Variants in NFIC observed in about 807,000 individuals in gnomAD.
NFIC encodes nuclear factor 1 C-type.
NFIC carries 12 observed loss-of-function variants against 54.4 expected under a neutral mutation model. That is an observed-to-expected ratio of 0.22 (90% confidence interval 0.14 to 0.36). The LOEUF is 0.36. NFIC is among the 10% of genes least tolerant of loss of function. NFIC has a pLI of 1.00. For missense variants in NFIC, 575 were observed against 718.2 expected (o/e 0.80, Z 2.28); for synonymous variants, 322 against 319.2 (o/e 1.01, Z -0.09).
intron 1 of NFIC, among the ~76,000 whole-genome samples, chr19:3,367,593 CG>C (rs1038460642): frequency 2.6e-5 from 4 of 152,224 alleles, no homozygotes; most frequent in African/African-American, 7.2e-5. Flanking sequence ...CGGCTCCCCC[CG>C]GGGACTCCTT....
In NFIC at chr19:3,439,333, C is replaced by CA. The variant is rs539916342; in HGVS notation, c.958+4168dup. On this transcript the variant is annotated intron_variant, in intron 6 of 10. Transcript: ENST00000443272. ...GGGGCAACAGAGAAAGACCCTGTCTCAAAAAAAAAAAAAAAAAAAAAAAAA... is the reference window on the plus strand; with the variant it reads ...GGGGCAACAGAGAAAGACCCTGTCTCAAAAAAAAAAAAAAAAAAAAAAAAAA... Among the ~76,000 whole-genome samples the CA allele has an allele frequency of 2.6e-3, 61 of 23,326 alleles. 15 individuals are homozygous for CA. The highest frequency in any genetic ancestry group is 4.4e-3 in the Non-Finnish European group (53 of 11,962). The allele number at this position is 23,326 out of a possible 152,430, so 15.3% of individuals were successfully genotyped here.
exon 1 of NFIC, chr19:3,359,655 G>T (rs2080784650): frequency 2.2e-6 from 3 of 1,388,036 alleles, no homozygotes; most frequent in Non-Finnish European, 2.8e-6. Flanking sequence ...TCGCTCCGGC[G>T]CCGGCCTCGC....
intron 1 of NFIC, among the ~76,000 whole-genome samples, chr19:3,360,748 G>C (rs960366369): frequency 1.3e-5 from 2 of 152,246 alleles, no homozygotes; most frequent in Non-Finnish European, 2.9e-5. Flanking sequence ...CGTCCCTGCG[G>C]GACGGTGTTG....
intron 1 of NFIC, among the ~76,000 whole-genome samples, chr19:3,380,469 G>A (rs1002598451): frequency 4.0e-5 from 6 of 150,652 alleles, no homozygotes; most frequent in African/African-American, 1.2e-4. Context: ...GGGATTACAG[G>A]TGTGCTCCAA....
Position 3,464,042 on chromosome 19 carries a change from G to A in NFIC, c.*1273G>A. The A allele has an allele frequency of 1.0e-6, 1 of 985,240 alleles. No individual in the cohort carries two copies. Among genetic ancestry groups the A allele is most frequent in the Non-Finnish European group, 1.2e-6 (1 of 829,894 alleles). The allele number at this position is 985,240 out of a possible 1,614,324, so 61.0% of individuals were successfully genotyped here. On this transcript the variant is annotated 3_prime_UTR_variant, in exon 11 of 11. Transcript: ENST00000443272. ...ACTTCGCAAGCGTCCTGCCCTGCCG[G>A]GGCGCGGGGGTGGGCTCTGGGGAAG...
intron 1 of NFIC, among the ~76,000 whole-genome samples, chr19:3,366,973 A>C (rs1334402241): frequency 2.4e-5 from 3 of 124,096 alleles, no homozygotes; most frequent in African/African-American, 6.6e-5. Flanking sequence ...CCCCCCACAC[A>C]CCGACGCACT....
rs59920512 is a variant in NFIC at position 3,368,913 on chromosome 19, CTGTG to C, written c.30+2279_30+2282del. 8.1e-3 allele frequency among the ~76,000 whole-genome samples: 1,196 copies of C among 147,042 alleles called. 10 individuals are homozygous for C. Among genetic ancestry groups the C allele is most frequent in the East Asian group, 0.021 (104 of 4,962 alleles). On this transcript the variant is annotated intron_variant, in intron 1 of 10. Transcript: ENST00000443272. ...TCTTTCTCTCTGTCTTGCTCTGACT[CTGTG>C]TGTGTGTGTGTGTGTGTGTGTGTGT...
At chr19:3,379,363 T>G (rs988938044) in intron 1 of NFIC, among the ~76,000 whole-genome samples, 1 of 151,794 alleles carries the variant, frequency 6.6e-6, no homozygotes, top group Non-Finnish European at 1.5e-5. Context: ...CAGCCGGGTT[T>G]TTTTTTTTTG....
chr19:3,461,259 A>T (rs2082634526), intron 10 of NFIC, among the ~76,000 whole-genome samples: 1 of 138,356 alleles, frequency 7.2e-6, no homozygotes. Flanking sequence ...CACCTCTACA[A>T]AAAAAAAAAA....
intron 9 of NFIC, among the ~76,000 whole-genome samples, chr19:3,456,335 C>A (rs2082554272): frequency 6.6e-6 from 1 of 152,218 alleles, no homozygotes; most frequent in African/African-American, 2.4e-5. Flanking sequence ...ACCCCCGGGC[C>A]CCTCGAGTCA....
At chr19:3,367,412 C>G (rs1178194666) in intron 1 of NFIC, among the ~76,000 whole-genome samples, 1 of 152,168 alleles carries the variant, frequency 6.6e-6, no homozygotes, top group African/African-American at 2.4e-5. Flanking sequence ...CCCGGCGCTC[C>G]GGGTCTGGCC....
At chr19:3,401,950 G>T (rs1257604255) in intron 2 of NFIC, among the ~76,000 whole-genome samples, 1 of 152,078 alleles carries the variant, frequency 6.6e-6, no homozygotes, top group Non-Finnish European at 1.5e-5. Flanking sequence ...TCAAACTCCT[G>T]AACTCAATTG....
intron 3 of NFIC, 88 bp from the exon 4 acceptor site, chr19:3,433,430 A>C: frequency 7.1e-7 from 1 of 1,410,112 alleles, no homozygotes; most frequent in Admixed American, 1.7e-5. Flanking sequence ...GGCTCGGGCC[A>C]GCCCCCAGGA....
rs866417103 is a variant in NFIC at position 3,381,788 on chromosome 19, C to T, written c.107C>T (p.Ala36Val). Residue 36 changes from alanine to valine, a missense_variant, in exon 2 of 11, where the codon GCG becomes GTG. Physicochemically the swap from Ala to Val is moderately conservative, Grantham distance 64. Coordinates refer to ENST00000443272, the MANE Select transcript of NFIC (RefSeq NM_001245002.2). ...GCCTACACCTGGTTCAACCTGCAGG[C>T]GCGGAAGCGCAAGTACTTCAAGAAG... ...AFAYTWFNLQ[A>V]RKRKYFKKHE... 2 of 1,613,962 alleles carry T rather than the reference C, an allele frequency of 1.2e-6. No individual in the cohort carries two copies. The highest frequency in any genetic ancestry group is 1.1e-5 in the South Asian group (1 of 91,088).
intron 1 of NFIC, among the ~76,000 whole-genome samples, chr19:3,379,424 G>A (rs887865634): frequency 4.7e-5 from 7 of 150,530 alleles, no homozygotes; most frequent in East Asian, 2.0e-4. Flanking sequence ...GCGAGCTCTC[G>A]GCTCACTGCA....
rs1336664696 is a variant in NFIC, at chr19:3,442,630, G to A, written c.959-6384G>A. Among the ~76,000 whole-genome samples the A allele has an allele frequency of 5.3e-5, 8 of 151,968 alleles. No homozygotes were observed. In the East Asian group the frequency reaches 1.4e-3, roughly 26 times the overall value. On this transcript the variant is annotated intron_variant, in intron 6 of 10. Transcript: ENST00000443272. ...TCAAACTCCTGACCTCAAGTGATCC[G>A]CCCGCCTCGGCCTCCCACAGTGCTA...
chr19:3,431,397 C>A (rs1250295142), intron 3 of NFIC, among the ~76,000 whole-genome samples: 1 of 106,550 alleles, frequency 9.4e-6, no homozygotes, highest in Non-Finnish European at 1.7e-5. Context: ...GAGACAGGGT[C>A]TTGCTCTGTC....
Position 3,463,237 on chromosome 19 carries a change from C to T in NFIC, c.*468C>T, listed in dbSNP as rs1469040633. 1.0e-6 allele frequency: 1 copy of T among 993,436 alleles called. No homozygotes were observed. Among genetic ancestry groups the T allele is most frequent in the Non-Finnish European group, 1.2e-6 (1 of 835,752 alleles). The allele number at this position is 993,436 out of a possible 1,614,324, so 61.5% of individuals were successfully genotyped here. On this transcript the variant is annotated 3_prime_UTR_variant, in exon 11 of 11. Coordinates refer to ENST00000443272, the MANE Select transcript of NFIC (RefSeq NM_001245002.2). ...GCCTGGAGCCTGTGCCCAGGGCCGA[C>T]AGGCGCGACACCCAGCAAGGCCACC...
At chr19:3,394,528 C>CCG (rs1222472030) in intron 2 of NFIC, among the ~76,000 whole-genome samples, 1 of 69,984 alleles carries the variant, frequency 1.4e-5, no homozygotes, top group Admixed American at 1.6e-4. Flanking sequence ...CACCCACCCC[C>CCG]CACCCGCTTA....
Sources: gnomAD v4.1 joint callset for allele counts (sites outside exome capture counted in the v4.1 genomes callset) on GRCh38, gnomAD v4.1.1 for gene constraint, MANE v1.5 for transcripts, NCBI Gene and HGNC (gene_info 2026-07-23, HGNC 2026-07-21) for gene names.